The following UGGT2 variants were observed in gnomAD, a reference collection of about 807,000 sequenced individuals.
The protein encoded by UGGT2 is UDP-glucose:glycoprotein glucosyltransferase 2.
A neutral mutation model predicts 192.1 loss-of-function variants in UGGT2; 180 were observed. The observed-to-expected ratio is 0.94, with a 90% CI of 0.83 to 1.06. The LOEUF (loss-of-function observed/expected upper bound fraction) is 1.06. Ranked by LOEUF, UGGT2 falls within the 50% of genes least tolerant of loss-of-function variation. UGGT2 has a pLI of 0.00. For synonymous variants in UGGT2, 580 were observed against 591.0 expected, an observed-to-expected ratio of 0.98 and a Z score of 0.27; for missense variants, 1,849 against 1,795.7, an observed-to-expected ratio of 1.03 and a Z score of -0.54.
intron 15 of UGGT2, among the ~76,000 whole-genome samples, chr13:95,943,549 T>A (rs146013764): frequency 2.6e-3 from 391 of 152,064 alleles, no homozygotes; most frequent in Admixed American, 4.1e-3. Flanking sequence ...AAACAGGGTG[T>A]GGTATGTAGT....
rs778017980 is a variant in UGGT2 at position 95,851,481 on chromosome 13, G to C, written c.4284+2062C>G. 6.8e-4 allele frequency among the ~76,000 whole-genome samples: 103 copies of C among 152,262 alleles called. 2 individuals carry two copies. Among genetic ancestry groups the C allele is most frequent in the Non-Finnish European group, 3.1e-4 (21 of 68,014 alleles). On this transcript the variant is annotated intron_variant, in intron 36 of 38. Transcript: ENST00000376747. ...AATAGCAACATTTAAAGGAAAAGTAGAGAAAAAGTAGTTCACCAACAAAAT... is the reference window on the plus strand; with the variant it reads ...AATAGCAACATTTAAAGGAAAAGTACAGAAAAAGTAGTTCACCAACAAAAT...
intron 38 of UGGT2, among the ~76,000 whole-genome samples, chr13:95,821,870 G>GT (rs1004936679): frequency 6.6e-6 from 1 of 152,098 alleles, no homozygotes; most frequent in African/African-American, 2.4e-5. Context: ...ACAGTTGGCT[G>GT]TAAGTATTTG....
intron 24 of UGGT2, among the ~76,000 whole-genome samples, chr13:95,894,316 AAT>A (rs2047886727): frequency 1.3e-5 from 2 of 152,180 alleles, no homozygotes; most frequent in Non-Finnish European, 2.9e-5. Flanking sequence ...AGATATTAAA[AAT>A]ATGACAAATT....
intron 5 of UGGT2, among the ~76,000 whole-genome samples, chr13:96,009,298 G>A (rs1350650587): frequency 2.0e-5 from 3 of 152,062 alleles, no homozygotes; most frequent in African/African-American, 4.8e-5. Flanking sequence ...ATTTCATGAC[G>A]AAGACACCAA....
At chr13:95,932,881 A>G (rs2049335443) in intron 17 of UGGT2, among the ~76,000 whole-genome samples, 1 of 152,228 alleles carries the variant, frequency 6.6e-6, no homozygotes. Context: ...TATGTGGTGA[A>G]TGACATTTAC....
chr13:95,876,303 T>A (rs1566623415), intron 29 of UGGT2, among the ~76,000 whole-genome samples: 1 of 152,214 alleles, frequency 6.6e-6, no homozygotes, highest in Non-Finnish European at 1.5e-5. Context: ...AAATATCAAT[T>A]ATGCTGGTAC....
rs184761671 is a variant in UGGT2, at chr13:95,924,046, T to C, written c.2295+1634A>G. On this transcript the variant is annotated intron_variant, in intron 20 of 38. Coordinates refer to ENST00000376747, the MANE Select transcript of UGGT2 (RefSeq NM_020121.4). ...TTTCAATTTTTATATTTCCAACAGATAGCATTTTGGGATCCAAAATTATTT... is the reference window on the plus strand; with the variant it reads ...TTTCAATTTTTATATTTCCAACAGACAGCATTTTGGGATCCAAAATTATTT... Among the ~76,000 whole-genome samples the C allele has an allele frequency of 6.6e-5, 10 of 152,326 alleles. No individual in the cohort carries two copies. The East Asian group carries it at 1.9e-3, about 29-fold the overall frequency.
intron 17 of UGGT2, among the ~76,000 whole-genome samples, chr13:95,931,647 G>GTGCTGGCCCAGCGCACCCTCTGTAGC: frequency 6.6e-6 from 1 of 152,130 alleles, no homozygotes; most frequent in Admixed American, 6.5e-5. Context: ...TTCGAGCACA[G>GTGCTGGCCCAGCGCACCCTCTGTAGC]TGCTGGCCCA....
chr13:95,934,463 G>A (rs993946852), intron 17 of UGGT2, among the ~76,000 whole-genome samples: 6 of 152,174 alleles, frequency 3.9e-5, no homozygotes, highest in Admixed American at 6.5e-5. Context: ...TCTAACACAC[G>A]ATAGAAATGG....
intron 7 of UGGT2, among the ~76,000 whole-genome samples, chr13:95,994,639 T>A (rs1250542550): frequency 2.6e-5 from 4 of 151,978 alleles, no homozygotes; most frequent in African/African-American, 9.7e-5. Context: ...TCTCCAAATT[T>A]AAAAACTTCC....
At chr13:95,941,267 A>C (rs2049670498) in intron 15 of UGGT2, among the ~76,000 whole-genome samples, 1 of 152,338 alleles carries the variant, frequency 6.6e-6, no homozygotes, top group East Asian at 1.9e-4. Flanking sequence ...TTATTGCCAA[A>C]CATAATCTTC....
intron 17 of UGGT2, among the ~76,000 whole-genome samples, chr13:95,935,752 C>T (rs1380019332): frequency 6.6e-6 from 1 of 152,190 alleles, no homozygotes; most frequent in Non-Finnish European, 1.5e-5. Flanking sequence ...TTCTCCTTTT[C>T]TCTCAGGAAT....
At chr13:95,874,471 A>G (rs2140147381) in intron 29 of UGGT2, among the ~76,000 whole-genome samples, 1 of 152,312 alleles carries the variant, frequency 6.6e-6, no homozygotes, top group South Asian at 2.1e-4. Context: ...TCATGGGCAG[A>G]CACCTGACAA....
chr13:95,856,098 T>C (rs1259191710), intron 34 of UGGT2, 60 bp downstream of exon 34: 1 of 1,332,044 alleles, frequency 7.5e-7, no homozygotes, highest in African/African-American at 1.5e-5. Context: ...AATCTCTATA[T>C]TAAGATAGAA....
chr13:95,864,893 T>A (rs536389126), intron 30 of UGGT2, among the ~76,000 whole-genome samples: 7 of 152,330 alleles, frequency 4.6e-5, no homozygotes, highest in Admixed American at 2.0e-4. Context: ...TCTTCACACT[T>A]CAGAAACTAA....
intron 1 of UGGT2, among the ~76,000 whole-genome samples, chr13:96,048,936 T>C (rs926102502): frequency 1.3e-5 from 2 of 151,960 alleles, no homozygotes; most frequent in African/African-American, 4.8e-5. Flanking sequence ...TTTCTTAAAC[T>C]ATTCCAATTG....
chr13:95,808,035 G>A (rs1884405781), intron 38 of UGGT2, among the ~76,000 whole-genome samples: 1 of 152,054 alleles, frequency 6.6e-6, no homozygotes, highest in South Asian at 2.1e-4. Context: ...CAGATGTTGA[G>A]TTTGGGGGCC....
intron 38 of UGGT2, 137 bp downstream of exon 38, chr13:95,832,789 AC>A (rs1182393891): frequency 1.5e-6 from 2 of 1,291,830 alleles, no homozygotes; most frequent in Admixed American, 3.9e-5. Context: ...ACAAAAATAC[AC>A]CTTTAAATTA....
rs575986900 is a variant in UGGT2, at chr13:95,900,825, A to T, written c.2616T>A (p.Gly872=). 2 of 1,609,510 alleles carry T rather than the reference A, an allele frequency of 1.2e-6. No homozygotes were observed. Among genetic ancestry groups the T allele is most frequent in the African/African-American group, 1.3e-5 (1 of 74,808 alleles). ...TACTTACTCTCCCATTGCTGACAAT[A>T]CCCATTTCTCCAGGACGTAATTTAA... ...DVLKLRPGEM[G]IVSNGRFLGP... The change falls in exon 22 of 39, where the codon GGT becomes GGA. Residue 872 remains glycine, a synonymous_variant. Coordinates refer to ENST00000376747, the MANE Select transcript of UGGT2 (RefSeq NM_020121.4).
Sources: gnomAD v4.1 joint callset for allele counts (sites outside exome capture counted in the v4.1 genomes callset) on GRCh38, gnomAD v4.1.1 for gene constraint, MANE v1.5 for transcripts, NCBI Gene and HGNC (gene_info 2026-07-23, HGNC 2026-07-21) for gene names.